KIF3C: variants seen among roughly 807,000 people sequenced by gnomAD.
KIF3C encodes kinesin-like protein KIF3C.
In KIF3C, 12 loss-of-function variants were observed where a neutral mutation model predicts 67.7. The ratio of observed to expected loss-of-function variants is 0.18; its 90% confidence interval spans 0.11 to 0.29. The LOEUF (loss-of-function observed/expected upper bound fraction) is 0.29, where lower values mean the gene tolerates loss of function less well. Among genes scored for constraint, KIF3C ranks in the 10% least tolerant of loss-of-function variants. The pLI, the probability that KIF3C is intolerant of heterozygous loss-of-function variation, is 1.00. For synonymous variants in KIF3C, 393 were observed against 426.2 expected (o/e 0.92, Z 0.96); for missense variants, 789 against 1,059.6 (o/e 0.74, Z 3.55).
At chr2:25,949,114 G>A (rs974660114) in intron 5 of KIF3C, among the ~76,000 whole-genome samples, 22 of 152,268 alleles carry the variant, frequency 1.4e-4, no homozygotes, top group African/African-American at 5.3e-4. Context: ...TGTGGAACAC[G>A]AATGTTCTCA....
intron 5 of KIF3C, among the ~76,000 whole-genome samples, chr2:25,950,266 G>A (rs1282722011): frequency 6.7e-6 from 1 of 148,726 alleles, no homozygotes; most frequent in Non-Finnish European, 1.5e-5. Flanking sequence ...TGCCCAGGCT[G>A]GAGCGCAATG....
At chr2:25,972,873 CT>C (rs2149242958) in intron 1 of KIF3C, among the ~76,000 whole-genome samples, 1 of 152,218 alleles carries the variant, frequency 6.6e-6, no homozygotes, top group South Asian at 2.1e-4. Context: ...TATTGTCCCC[CT>C]CTATTTCTCT....
At chr2:25,959,958 C>T (rs1663904873) in intron 1 of KIF3C, among the ~76,000 whole-genome samples, 1 of 152,166 alleles carries the variant, frequency 6.6e-6, no homozygotes, top group Non-Finnish European at 1.5e-5. Context: ...TCTGGCCTGG[C>T]CTCTGAATCT....
chr2:25,931,936 T>C (rs1371780493), intron 5 of KIF3C, among the ~76,000 whole-genome samples: 2 of 20,542 alleles, frequency 9.7e-5, no homozygotes, highest in East Asian at 4.8e-4. Context: ...ACCTGGCTGT[T>C]TTTTTTTTTT....
chr2:25,950,118 C>G (rs1338615890), intron 5 of KIF3C, among the ~76,000 whole-genome samples: 4 of 151,770 alleles, frequency 2.6e-5, no homozygotes, highest in Admixed American at 2.6e-4. Context: ...TCTCAAACTC[C>G]TGACGCCAAG....
rs1014979482 is a variant in KIF3C, at chr2:25,981,765, C to A, written c.153G>T (p.Pro51=). The change falls in exon 1 of 8, where the codon CCG becomes CCT. Residue 51 remains proline, a synonymous_variant. Transcript: ENST00000264712. The surrounding 1 kb of genome is among the most constrained non-coding windows in gnomAD (Gnocchi z 8.2). ...AGGTGAAGGTCTTGGGCAGCTCCCC[C>A]GGGGCGGCGCGGGGGTTCCGCAGGG... ...QVTLRNPRAA[P]GELPKTFTFD... 6.2e-7 allele frequency: 1 copy of A among 1,613,586 alleles called. No homozygotes were observed. The highest frequency in any genetic ancestry group is 8.5e-7 in the Non-Finnish European group (1 of 1,179,764).
intron 5 of KIF3C, among the ~76,000 whole-genome samples, chr2:25,943,508 G>T (rs756291650): frequency 6.6e-6 from 1 of 152,028 alleles, no homozygotes; most frequent in Non-Finnish European, 1.5e-5. Flanking sequence ...ATCTTATCTT[G>T]GCTTTAAAAA....
intron 1 of KIF3C, among the ~76,000 whole-genome samples, chr2:25,971,570 G>A (rs930177188): frequency 2.6e-5 from 4 of 152,166 alleles, no homozygotes; most frequent in African/African-American, 7.2e-5. Flanking sequence ...TAATGCCCAG[G>A]AACTTCTCAG....
intron 5 of KIF3C, among the ~76,000 whole-genome samples, chr2:25,932,158 C>T (rs569919415): frequency 3.0e-4 from 45 of 152,082 alleles, no homozygotes; most frequent in African/African-American, 9.9e-4. Flanking sequence ...CATGCCACCA[C>T]ATCCAGCTAA....
At position 25,972,843 on chromosome 2, in the gene KIF3C, C is replaced by T. The variant is rs149562471; in HGVS notation, c.1545+7530G>A. On this transcript the variant is annotated intron_variant, in intron 1 of 7. Transcript: ENST00000264712. Reference sequence around the variant, plus strand: ...AGCTTTACCCACTCTACCTCCCCACCTCTTTCTCTTTCCCCTCTTTATTGT... The same window carrying T: ...AGCTTTACCCACTCTACCTCCCCACTTCTTTCTCTTTCCCCTCTTTATTGT... Among the ~76,000 whole-genome samples, 997 of 152,254 alleles carry T rather than the reference C, an allele frequency of 6.5e-3. 9 individuals carry two copies. The highest frequency in any genetic ancestry group is 0.023 in the African/African-American group (957 of 41,542).
chr2:25,970,181 C>T (rs1034233908), intron 1 of KIF3C, among the ~76,000 whole-genome samples: 28 of 152,254 alleles, frequency 1.8e-4, no homozygotes, highest in African/African-American at 6.7e-4. Flanking sequence ...TCTGAGCTGG[C>T]ATTACAGTGT....
At chr2:25,979,252 C>A (rs1664496787) in intron 1 of KIF3C, among the ~76,000 whole-genome samples, 1 of 152,092 alleles carries the variant, frequency 6.6e-6, no homozygotes, top group African/African-American at 2.4e-5. Context: ...AGGTCTATGA[C>A]TGGACAGGGA....
At chr2:25,950,310 C>T (rs1481876001) in intron 5 of KIF3C, among the ~76,000 whole-genome samples, 3 of 151,550 alleles carry the variant, frequency 2.0e-5, no homozygotes, top group East Asian at 3.9e-4. Flanking sequence ...CTCCACCTCC[C>T]GAGTTCAAGA....
chr2:25,982,429 C>A lies in KIF3C; in HGVS notation c.-512G>T, dbSNP rs1344488556. 1.0e-5 allele frequency: 4 copies of A among 398,600 alleles called. No individual in the cohort carries two copies. Among genetic ancestry groups the A allele is most frequent in the Non-Finnish European group, 4.4e-6 (1 of 226,164 alleles). 24.7% of individuals were successfully genotyped at this position (398,600 alleles called of 1,614,324 possible). A position where few individuals can be genotyped will look rare whatever the true frequency, so the allele number is the denominator to read the frequency against. On this transcript the variant is annotated 5_prime_UTR_variant, in exon 1 of 8. Coordinates refer to ENST00000264712, the MANE Select transcript of KIF3C (RefSeq NM_002254.8). ...AAGCTGGGGGATCATTCATTGCAGC[C>A]AGCGCGGCTGCTGCTGCCTCTGCCT...
Position 25,951,794 on chromosome 2 carries a change from G to A in KIF3C, c.2001C>T (p.Ala667=), listed in dbSNP as rs540469920. The A allele has an allele frequency of 1.4e-5, 23 of 1,611,434 alleles. No homozygotes were observed. Among genetic ancestry groups the A allele is most frequent in the East Asian group, 8.9e-5 (4 of 44,860 alleles). The part of the protein sequence containing the change: ...EQWKFQPLVP[A]GVSSSQMKKR... ...CAGCTGGGTTAGAGACTCACACGCC[G>A]GCTGGCACCAGTGGCTGGAACTTCC... The change falls in exon 5 of 8, where the codon GCC becomes GCT. Residue 667 remains alanine (A), a synonymous_variant. Transcript: ENST00000264712.
intron 1 of KIF3C, among the ~76,000 whole-genome samples, chr2:25,964,066 C>A (rs1013984041): frequency 1.3e-5 from 2 of 152,066 alleles, no homozygotes; most frequent in African/African-American, 4.8e-5. Flanking sequence ...CCAACACTTT[C>A]GGAGACCTAG....
In KIF3C at chr2:25,981,962, G is replaced by T; in HGVS notation, c.-45C>A. 4 of 1,473,432 alleles carry T rather than the reference G, an allele frequency of 2.7e-6. No individual in the cohort carries two copies. The highest frequency in any genetic ancestry group is 1.4e-5 in the African/African-American group (1 of 71,284). 91.3% of individuals were successfully genotyped at this position (1,473,432 alleles called of 1,614,324 possible). A position where few individuals can be genotyped will look rare whatever the true frequency, so the allele number is the denominator to read the frequency against. On this transcript the variant is annotated 5_prime_UTR_variant, in exon 1 of 8. Coordinates refer to ENST00000264712, the MANE Select transcript of KIF3C (RefSeq NM_002254.8). This position sits in a 1 kb window ranked among gnomAD's most constrained non-coding sequence, Gnocchi z 8.2. ...TGCCCCCGAGCCCCTCCGCAGCCTG[G>T]GCGGTCCTGCTATCCTGCTCGCTAG... is the stretch of plus-strand genomic sequence containing the variant.
chr2:25,968,394 A>G (rs1664196254), intron 1 of KIF3C, among the ~76,000 whole-genome samples: 1 of 152,240 alleles, frequency 6.6e-6, no homozygotes, highest in Non-Finnish European at 1.5e-5. Context: ...GAACAAGGCA[A>G]GGATGCCCAG....
chr2:25,961,906 C>T (rs1165803976), intron 1 of KIF3C, among the ~76,000 whole-genome samples: 1 of 149,904 alleles, frequency 6.7e-6, no homozygotes, highest in Non-Finnish European at 1.5e-5. Flanking sequence ...TGAAATCGTG[C>T]CACTGCACTC....
Sources: gnomAD v4.1 joint callset for allele counts (sites outside exome capture counted in the v4.1 genomes callset) on GRCh38, gnomAD v4.1.1 for gene constraint, Gnocchi (gnomAD v3.1) non-coding constraint, MANE v1.5 for transcripts, NCBI Gene and HGNC (gene_info 2026-07-23, HGNC 2026-07-21) for gene names.